Variants in KIF6 observed in about 807,000 individuals in gnomAD.
KIF6 encodes kinesin family member 6, also known as kinesin-like protein KIF6.
KIF6 carries 106 observed loss-of-function variants against 112.7 expected under a neutral mutation model. The observed-to-expected ratio is 0.94, with a 90% confidence interval of 0.80 to 1.11. The LOEUF (loss-of-function observed/expected upper bound fraction) is 1.11. Ranked by LOEUF, KIF6 falls within the 50% of genes least tolerant of loss-of-function variation. The pLI, the probability that KIF6 is intolerant of heterozygous loss-of-function variation, is 0.00. For synonymous variants in KIF6, 339 were observed against 339.9 expected (o/e 1.00, Z 0.03); for missense variants, 929 against 964.0 (o/e 0.96, Z 0.48).
At chr6:39,502,311 C>G (rs902825411) in intron 13 of KIF6, among the ~76,000 whole-genome samples, 2 of 152,070 alleles carry the variant, frequency 1.3e-5, no homozygotes, top group Non-Finnish European at 2.9e-5. Context: ...ACCACAAGAC[C>G]TGCATTGCAA....
chr6:39,690,507 G>T (rs985626292), intron 3 of KIF6: 2 of 152,384 alleles, frequency 1.3e-5, no homozygotes, highest in African/African-American at 2.4e-5. Flanking sequence ...GCAGGAGGCT[G>T]GGTGGGCAAG....
At chr6:39,581,848 T>C (rs1781318377) in intron 9 of KIF6, among the ~76,000 whole-genome samples, 1 of 152,136 alleles carries the variant, frequency 6.6e-6, no homozygotes, top group South Asian at 2.1e-4. Flanking sequence ...AGAATTCCCT[T>C]ACTTCCTTTC....
At chr6:39,689,149 A>G (rs1788038114) in intron 3 of KIF6, among the ~76,000 whole-genome samples, 2 of 152,154 alleles carry the variant, frequency 1.3e-5, no homozygotes, top group South Asian at 4.1e-4. Context: ...GAAAGAAAAG[A>G]AAAGAGAAAA....
intron 13 of KIF6, among the ~76,000 whole-genome samples, chr6:39,523,646 ATATATAT>A: frequency 2.0e-3 from 1 of 510 alleles, no homozygotes; most frequent in African/African-American, 0.013. Flanking sequence ...TAATTCTGCC[ATATATAT>A]ATATATATAT....
At chr6:39,722,700 C>A (rs1236914380) in intron 1 of KIF6, among the ~76,000 whole-genome samples, 3 of 152,162 alleles carry the variant, frequency 2.0e-5, no homozygotes, top group Non-Finnish European at 2.9e-5. Flanking sequence ...AGAGAAAGAA[C>A]TCTACAATCT....
intron 4 of KIF6, among the ~76,000 whole-genome samples, chr6:39,636,795 G>A (rs1377574065): frequency 1.3e-5 from 2 of 152,102 alleles, no homozygotes; most frequent in East Asian, 3.9e-4. Context: ...TGATTTGAGA[G>A]TTTAGTATAC....
intron 13 of KIF6, among the ~76,000 whole-genome samples, chr6:39,520,761 CA>C (rs1777348687): frequency 6.6e-6 from 1 of 152,176 alleles, no homozygotes; most frequent in Admixed American, 6.5e-5. Context: ...CACATATGCA[CA>C]GTGGAAAACG....
At chr6:39,540,299 T>C in intron 12 of KIF6, 78 bp from the exon 13 acceptor site, 1 of 919,386 alleles carries the variant, frequency 1.1e-6, no homozygotes, top group Non-Finnish European at 1.7e-6. Context: ...GTGTCATTAA[T>C]GTTCCTAACA....
intron 5 of KIF6, among the ~76,000 whole-genome samples, chr6:39,625,711 T>G (rs1351252573): frequency 6.6e-6 from 1 of 152,134 alleles, no homozygotes; most frequent in Non-Finnish European, 1.5e-5. Context: ...GAAGGATGCA[T>G]GCCTCATCTA....
At position 39,343,042 on chromosome 6, in the gene KIF6, G is replaced by A; in HGVS notation, c.2428+667C>T. The A allele has an allele frequency of 1.0e-6, 1 of 985,408 alleles. No individual in the cohort carries two copies. Among genetic ancestry groups the A allele is most frequent in the Non-Finnish European group, 1.2e-6 (1 of 829,944 alleles). 61.0% of individuals were successfully genotyped at this position (985,408 alleles called of 1,614,324 possible). A position where few individuals can be genotyped will look rare whatever the true frequency, so the allele number is the denominator to read the frequency against. The stretch of plus-strand genomic sequence containing the variant: ...AGACAAAATGCAGGCCTGGGGTAAG[G>A]GGCCCTGGGGCTTGCCCTGTGGGTG... On this transcript the variant is annotated intron_variant, in intron 22 of 22. Coordinates refer to ENST00000287152, the MANE Select transcript of KIF6 (RefSeq NM_145027.6). This position sits in a 1 kb window ranked among gnomAD's most constrained non-coding sequence, Gnocchi z 4.1.
intron 13 of KIF6, among the ~76,000 whole-genome samples, chr6:39,518,543 G>A (rs2150521507): frequency 6.6e-6 from 1 of 152,272 alleles, no homozygotes; most frequent in Middle Eastern, 3.4e-3. Flanking sequence ...CTTGAAATAT[G>A]AAGTACTATA....
chr6:39,351,364 G>A (rs9968857), intron 19 of KIF6, among the ~76,000 whole-genome samples: 1,658 of 151,548 alleles, frequency 0.011, 32 homozygotes, highest in African/African-American at 0.038. Flanking sequence ...CTGAGTAGCT[G>A]CGACTACAGG....
chr6:39,503,544 T>G (rs1347740980), intron 13 of KIF6, among the ~76,000 whole-genome samples: 2 of 151,678 alleles, frequency 1.3e-5, no homozygotes, highest in Non-Finnish European at 2.9e-5. Flanking sequence ...CAGGAGCTGG[T>G]TTTTTGAAAA....
chr6:39,594,218 A>G (rs1424300350), intron 7 of KIF6, among the ~76,000 whole-genome samples: 3 of 152,052 alleles, frequency 2.0e-5, no homozygotes, highest in Admixed American at 1.3e-4. Context: ...TTAAAAAAAA[A>G]AAAAGAATTA....
chr6:39,388,676 A>C (rs1562163624), intron 15 of KIF6, among the ~76,000 whole-genome samples: 1 of 152,154 alleles, frequency 6.6e-6, no homozygotes, highest in Non-Finnish European at 1.5e-5. Flanking sequence ...GGTTTTGGCA[A>C]AAAAAGGAGT....
intron 3 of KIF6, among the ~76,000 whole-genome samples, chr6:39,688,501 T>A (rs549566574): frequency 5.2e-4 from 79 of 151,886 alleles, no homozygotes; most frequent in African/African-American, 1.8e-3. Flanking sequence ...TTCACATGAA[T>A]AGAACCCTAT....
intron 12 of KIF6, among the ~76,000 whole-genome samples, chr6:39,540,707 C>T (rs554739575): frequency 6.6e-5 from 10 of 152,364 alleles, no homozygotes; most frequent in South Asian, 4.1e-4. Context: ...TCCTGGCGGC[C>T]GGTGCGGTGA....
In KIF6 at chr6:39,629,780, T is replaced by C. The variant is rs542097839; in HGVS notation, c.509+5069A>G. 4.6e-5 allele frequency among the ~76,000 whole-genome samples: 7 copies of C among 152,124 alleles called. No homozygotes were observed. The South Asian group carries it at 1.5e-3, about 32-fold the overall frequency. Reference sequence around the variant, plus strand: ...TTGGCAAACCCAAGGCCATCTGGATTTTCTCCTGTGTTATCTTCTAGAAGA... The same window carrying C: ...TTGGCAAACCCAAGGCCATCTGGATCTTCTCCTGTGTTATCTTCTAGAAGA... On this transcript the variant is annotated intron_variant, in intron 5 of 22. Transcript: ENST00000287152.
intron 10 of KIF6, among the ~76,000 whole-genome samples, chr6:39,560,109 G>A (rs866857760): frequency 2.0e-5 from 3 of 152,198 alleles, no homozygotes; most frequent in South Asian, 2.1e-4. Flanking sequence ...GGAGCTGACC[G>A]GTGGGTGCTC....
Sources: allele counts gnomAD v4.1 joint callset (sites outside exome capture counted in the v4.1 genomes callset), GRCh38; gene constraint gnomAD v4.1.1; non-coding constraint Gnocchi (gnomAD v3.1); transcripts MANE v1.5; gene names NCBI Gene and HGNC (gene_info 2026-07-23, HGNC 2026-07-21).